The following ATP10B variants were observed in gnomAD, a reference collection of about 807,000 sequenced individuals.
ATP10B encodes the protein phospholipid-transporting ATPase VB.
ATP10B carries 122 observed loss-of-function variants against 141.2 expected under a neutral mutation model. The ratio of observed to expected loss-of-function variants is 0.86; its 90% CI spans 0.75 to 1.00. ATP10B has a LOEUF of 1.00. ATP10B is among the 50% of genes least tolerant of loss of function. The pLI is 0.00. For missense variants in ATP10B, 1,876 were observed against 1,825.3 expected (o/e 1.03, Z -0.51); for synonymous variants, 685 against 692.0 (o/e 0.99, Z 0.16).
intron 1 of ATP10B, among the ~76,000 whole-genome samples, chr5:160,787,575 C>T (rs1483315219): frequency 2.6e-5 from 4 of 152,118 alleles, no homozygotes; most frequent in South Asian, 2.1e-4. Context: ...GTTAAATCTT[C>T]CAAGTCCTCT....
intron 1 of ATP10B, among the ~76,000 whole-genome samples, chr5:160,787,669 G>T (rs11958530): frequency 3.9e-5 from 6 of 152,134 alleles, no homozygotes; most frequent in Admixed American, 6.6e-5. Flanking sequence ...TGTCCTGCGT[G>T]GGGGGCAGGA....
At chr5:160,731,205 C>T (rs750402569) in intron 2 of ATP10B, among the ~76,000 whole-genome samples, 16 of 152,162 alleles carry the variant, frequency 1.1e-4, no homozygotes, top group Admixed American at 1.0e-3. Context: ...CAAGATGAGT[C>T]AGCCTTGTTT....
chr5:160,681,075 C>G (rs1763369974), intron 6 of ATP10B, among the ~76,000 whole-genome samples: 1 of 152,064 alleles, frequency 6.6e-6, no homozygotes, highest in South Asian at 2.1e-4. Context: ...TGCTGATCAC[C>G]CTCCTACCTC....
the ATP10B span, among the ~76,000 whole-genome samples, chr5:160,902,014 C>G: frequency 6.6e-6 from 1 of 152,172 alleles, no homozygotes; most frequent in Admixed American, 6.5e-5. Flanking sequence ...ACGATCCAAG[C>G]TCTCATCTGT....
chr5:160,925,782 A>G, the ATP10B span, among the ~76,000 whole-genome samples: 1 of 152,178 alleles, frequency 6.6e-6, no homozygotes, highest in Admixed American at 6.5e-5. Context: ...AATATCTGTC[A>G]TTTTCTTTAA....
At chr5:160,848,881 C>A (rs1753613042) in intron 1 of ATP10B, among the ~76,000 whole-genome samples, 2 of 152,150 alleles carry the variant, frequency 1.3e-5, no homozygotes. Context: ...ATTTTTGGTT[C>A]TATCATGGTA....
At chr5:160,694,843 A>G (rs1020329954) in intron 3 of ATP10B, among the ~76,000 whole-genome samples, 2 of 152,204 alleles carry the variant, frequency 1.3e-5, no homozygotes, top group Non-Finnish European at 2.9e-5. Context: ...TTTAGAAATA[A>G]ATATATATTC....
chr5:160,768,329 G>T (rs1769635302), intron 2 of ATP10B, among the ~76,000 whole-genome samples: 1 of 152,176 alleles, frequency 6.6e-6, no homozygotes, highest in African/African-American at 2.4e-5. Flanking sequence ...ATTATGCCAT[G>T]TACCTAAATT....
rs1318240281 is a variant in ATP10B at position 160,684,740 on chromosome 5, C to A, written c.470+1339G>T. On this transcript the variant is annotated intron_variant, in intron 6 of 25. Transcript: ENST00000327245. ...CCCTGAAATAAAATAATGATATCTC[C>A]CTACTCCATCCCTTCTACAAACAGT... 1.3e-5 allele frequency: 8 copies of A among 605,994 alleles called. No individual in the cohort carries two copies. In the East Asian group the frequency reaches 2.2e-4, roughly 17 times the overall value. 37.5% of individuals were successfully genotyped at this position (605,994 alleles called of 1,614,324 possible).
chr5:160,747,559 G>A (rs904553099), intron 2 of ATP10B, among the ~76,000 whole-genome samples: 13 of 152,138 alleles, frequency 8.5e-5, no homozygotes, highest in African/African-American at 3.1e-4. Flanking sequence ...GTGGCCAGGG[G>A]AAGACAGAGG....
chr5:160,586,136 A>G (rs1184877140), intron 24 of ATP10B, among the ~76,000 whole-genome samples: 2 of 151,282 alleles, frequency 1.3e-5, no homozygotes, highest in African/African-American at 4.9e-5. Context: ...CTTGTTCCCC[A>G]CCTCCTGACA....
intron 25 of ATP10B, among the ~76,000 whole-genome samples, chr5:160,569,128 A>G (rs1754723299): frequency 6.6e-6 from 1 of 152,194 alleles, no homozygotes; most frequent in African/African-American, 2.4e-5. Flanking sequence ...CTGTCCCTGT[A>G]GGCATTTGAG....
intron 1 of ATP10B, among the ~76,000 whole-genome samples, chr5:160,802,993 C>T (rs1772491462): frequency 6.6e-6 from 1 of 152,114 alleles, no homozygotes; most frequent in African/African-American, 2.4e-5. Flanking sequence ...GGAGTTACTT[C>T]CAGCTGAACT....
chr5:160,708,876 G>A (rs1315996179), intron 3 of ATP10B, among the ~76,000 whole-genome samples: 1 of 152,134 alleles, frequency 6.6e-6, no homozygotes, highest in Non-Finnish European at 1.5e-5. Context: ...GTGGATTAAA[G>A]ACCCCTTAGA....
the ATP10B span, among the ~76,000 whole-genome samples, chr5:160,893,063 T>A: frequency 6.6e-6 from 1 of 152,160 alleles, no homozygotes; most frequent in East Asian, 1.9e-4. Context: ...GACCAGGAGA[T>A]TCCCTCGGGT....
At chr5:160,848,801 A>G (rs1431995808) in intron 1 of ATP10B, among the ~76,000 whole-genome samples, 1 of 152,174 alleles carries the variant, frequency 6.6e-6, no homozygotes, top group African/African-American at 2.4e-5. Flanking sequence ...GAAAACTTTT[A>G]CTATGTGATC....
intron 17 of ATP10B, chr5:160,613,772 G>A (rs577199525): frequency 6.6e-6 from 1 of 152,184 alleles, no homozygotes; most frequent in East Asian, 1.9e-4. Context: ...CTCAAGCTTT[G>A]CACCAGCCCT....
chr5:160,884,889 G>T, the ATP10B span, among the ~76,000 whole-genome samples: 6 of 152,154 alleles, frequency 3.9e-5, no homozygotes, highest in Non-Finnish European at 5.9e-5. Flanking sequence ...ATGTTTAATT[G>T]CAGGAAAAAG....
the ATP10B span, among the ~76,000 whole-genome samples, chr5:160,902,235 A>G: frequency 5.9e-5 from 9 of 152,228 alleles, no homozygotes; most frequent in African/African-American, 2.2e-4. Flanking sequence ...GACCTTGTAA[A>G]AAGAAAATTT....
Sources: gnomAD v4.1 joint callset for allele counts (sites outside exome capture counted in the v4.1 genomes callset) on GRCh38, gnomAD v4.1.1 for gene constraint, MANE v1.5 for transcripts, NCBI Gene and HGNC (gene_info 2026-07-23, HGNC 2026-07-21) for gene names.